Variants in PSMB7 observed in about 807,000 individuals in gnomAD.
The protein encoded by PSMB7 is proteasome subunit beta type-7.
A neutral mutation model predicts 28.1 loss-of-function variants in PSMB7; 5 were observed. The ratio of observed to expected loss-of-function variants is 0.18; its 90% CI spans 0.09 to 0.37. The LOEUF (loss-of-function observed/expected upper bound fraction) is 0.37. Ranked by LOEUF, PSMB7 falls within the 10% of genes least tolerant of loss-of-function variation. The probability of loss-of-function intolerance (pLI) is 1.00; values close to 1 mark genes in which losing one functional copy is unlikely to be tolerated. For missense variants in PSMB7, 275 were observed against 346.2 expected, an observed-to-expected ratio of 0.79 and a Z score of 1.63; for synonymous variants, 122 against 123.7, an observed-to-expected ratio of 0.99 and a Z score of 0.09.
At chr9:124,375,336 GT>G (rs907516698) in intron 6 of PSMB7, among the ~76,000 whole-genome samples, 1 of 151,542 alleles carries the variant, frequency 6.6e-6, no homozygotes, top group African/African-American at 2.4e-5. Context: ...AATTTTTTCT[GT>G]TTTTTTTGTA....
rs978682716 is a variant in PSMB7 at position 124,356,105 on chromosome 9, G to A, written c.722+659C>T. Among the ~76,000 whole-genome samples, 5 of 152,138 alleles carry A rather than the reference G, an allele frequency of 3.3e-5. No homozygotes were observed. The highest frequency in any genetic ancestry group is 1.2e-4 in the African/African-American group (5 of 41,422). On this transcript the variant is annotated intron_variant, in intron 7 of 7. Coordinates refer to ENST00000259457, the MANE Select transcript of PSMB7 (RefSeq NM_002799.4). This position sits in a 1 kb window ranked among gnomAD's most constrained non-coding sequence, Gnocchi z 4.4. ...TCCCAGAAGAGGTCAGGAGCCACAG[G>A]ATGGTCAAGCAGCCGGACAATCACG...
chr9:124,410,921 C>T (rs1280733977), intron 4 of PSMB7, among the ~76,000 whole-genome samples: 3 of 152,000 alleles, frequency 2.0e-5, no homozygotes, highest in East Asian at 1.9e-4. Flanking sequence ...AATGAGTTCC[C>T]GAAGATTACG....
intron 4 of PSMB7, among the ~76,000 whole-genome samples, chr9:124,410,854 G>A (rs1379154410): frequency 1.2e-4 from 19 of 152,214 alleles, no homozygotes. Flanking sequence ...ACAGTGAAGT[G>A]AGCCAGGCAG....
chr9:124,414,643 T>A (rs1831066614), intron 2 of PSMB7, among the ~76,000 whole-genome samples, 199 bp downstream of exon 2: 2 of 150,414 alleles, frequency 1.3e-5, no homozygotes, highest in African/African-American at 2.4e-5. Context: ...AGAAAAAACC[T>A]CAGCAAAGTG....
rs1428035701 is a variant in PSMB7, at chr9:124,402,930, A to G, written c.511+2387T>C. On this transcript the variant is annotated intron_variant, in intron 5 of 7. Transcript: ENST00000259457. ...CTGGGGATAAATCATTCTCCCCAAC[A>G]AACAGTGAACATCTGTTATATAAAA... 3.3e-5 allele frequency among the ~76,000 whole-genome samples: 5 copies of G among 152,228 alleles called. No individual in the cohort carries two copies. In the East Asian group the frequency reaches 5.8e-4, roughly 18 times the overall value.
At chr9:124,380,240 T>C (rs1419365896) in intron 6 of PSMB7, among the ~76,000 whole-genome samples, 1 of 152,248 alleles carries the variant, frequency 6.6e-6, no homozygotes, top group Non-Finnish European at 1.5e-5. Flanking sequence ...GATGGTGATA[T>C]ATGAACCATT....
At chr9:124,365,071 G>A (rs914578375) in intron 6 of PSMB7, among the ~76,000 whole-genome samples, 1 of 152,194 alleles carries the variant, frequency 6.6e-6, no homozygotes, top group Non-Finnish European at 1.5e-5. Context: ...GCCAAAATGA[G>A]GCAAATTTCA....
intron 6 of PSMB7, among the ~76,000 whole-genome samples, chr9:124,379,971 CCCCTG>C (rs1478725370): frequency 6.6e-6 from 1 of 152,220 alleles, no homozygotes; most frequent in Admixed American, 6.5e-5. Context: ...GACTTCATGG[CCCCTG>C]CCCTCAAGGA....
chr9:124,395,339 TA>T (rs769568605), intron 5 of PSMB7, among the ~76,000 whole-genome samples: 210 of 140,676 alleles, frequency 1.5e-3, no homozygotes, highest in Middle Eastern at 3.6e-3. Flanking sequence ...AGAAAGAAAT[TA>T]AAAAAAAAAA....
rs184217125 is a variant in PSMB7, at chr9:124,379,830, A to G, written c.570+4768T>C. On this transcript the variant is annotated intron_variant, in intron 6 of 7. Transcript: ENST00000259457. The stretch of plus-strand genomic sequence containing the variant: ...CTGTTACCTTGAAAAGATGTTCAGC[A>G]CTTTCTAGATAAAAAGAAAAGGTCC... Among the ~76,000 whole-genome samples the G allele has an allele frequency of 4.0e-3, 612 of 152,322 alleles. 6 individuals carry two copies. The highest frequency in any genetic ancestry group is 0.014 in the African/African-American group (583 of 41,564).
chr9:124,414,186 T>C (rs183517115), intron 2 of PSMB7, among the ~76,000 whole-genome samples, 181 bp from the exon 3 acceptor site: 16 of 152,334 alleles, frequency 1.1e-4, no homozygotes, highest in Admixed American at 9.8e-4. Context: ...GGTTTCTTAG[T>C]AAATGCTACT....
At chr9:124,376,997 G>C (rs1276934178) in intron 6 of PSMB7, among the ~76,000 whole-genome samples, 2 of 152,194 alleles carry the variant, frequency 1.3e-5, no homozygotes, top group African/African-American at 4.8e-5. Flanking sequence ...TTTCAGATAA[G>C]AAGGCCTGTA....
At chr9:124,360,272 T>C (rs1830453277) in intron 6 of PSMB7, among the ~76,000 whole-genome samples, 1 of 152,262 alleles carries the variant, frequency 6.6e-6, no homozygotes, top group Non-Finnish European at 1.5e-5. Flanking sequence ...CATTTGTATC[T>C]GTCTCCAGCC....
intron 5 of PSMB7, among the ~76,000 whole-genome samples, chr9:124,391,165 T>A (rs1028886338): frequency 6.6e-6 from 1 of 152,226 alleles, no homozygotes; most frequent in African/African-American, 2.4e-5. Context: ...TCACATCAGT[T>A]TTGTTTGCTC....
chr9:124,377,425 A>G (rs1411303827), intron 6 of PSMB7, among the ~76,000 whole-genome samples: 2 of 152,176 alleles, frequency 1.3e-5, no homozygotes, highest in Non-Finnish European at 2.9e-5. Context: ...GATCTCTCAC[A>G]CTACTGTCCA....
chr9:124,388,615 A>T (rs1830750965), intron 5 of PSMB7, among the ~76,000 whole-genome samples: 1 of 152,196 alleles, frequency 6.6e-6, no homozygotes, highest in Non-Finnish European at 1.5e-5. Context: ...CTCATACAAA[A>T]AGTCCTATAT....
chr9:124,387,598 AAAAG>A (rs1830739484), intron 5 of PSMB7, among the ~76,000 whole-genome samples: 3 of 152,208 alleles, frequency 2.0e-5, no homozygotes, highest in Admixed American at 2.0e-4. Flanking sequence ...AATAAACTTG[AAAAG>A]AAAGGGAAAT....
At chr9:124,399,312 A>G (rs1309320206) in intron 5 of PSMB7, among the ~76,000 whole-genome samples, 1 of 152,186 alleles carries the variant, frequency 6.6e-6, no homozygotes. Context: ...AGAATTGTGC[A>G]GGGGCAGGAG....
At chr9:124,377,356 T>A (rs533875438) in intron 6 of PSMB7, among the ~76,000 whole-genome samples, 3 of 152,324 alleles carry the variant, frequency 2.0e-5, no homozygotes, top group African/African-American at 7.2e-5. Flanking sequence ...TCATACTATG[T>A]TCTCTTTTGG....
Sources: allele counts gnomAD v4.1 joint callset (sites outside exome capture counted in the v4.1 genomes callset), GRCh38; gene constraint gnomAD v4.1.1; non-coding constraint Gnocchi (gnomAD v3.1); transcripts MANE v1.5; gene names NCBI Gene and HGNC (gene_info 2026-07-23, HGNC 2026-07-21).